The following FNDC3A variants were observed in gnomAD, a reference collection of about 807,000 sequenced individuals.
FNDC3A encodes the protein fibronectin type III domain containing 3A.
In FNDC3A, 32 loss-of-function variants were observed where a neutral mutation model predicts 148.9. The ratio of observed to expected loss-of-function variants is 0.21; its 90% CI spans 0.16 to 0.29. The LOEUF (loss-of-function observed/expected upper bound fraction) is 0.29, where lower values mean the gene tolerates loss of function less well. Ranked by LOEUF, FNDC3A falls within the 10% of genes least tolerant of loss-of-function variation. The probability of loss-of-function intolerance (pLI) is 1.00; values close to 1 mark genes in which losing one functional copy is unlikely to be tolerated. For missense variants in FNDC3A, 1,191 were observed against 1,452.8 expected (o/e 0.82, Z 2.93); for synonymous variants, 472 against 473.6 (o/e 1.00, Z 0.04).
At chr13:49,175,662 T>C in intron 13 of FNDC3A, 121 bp downstream of exon 13, 1 of 606,674 alleles carries the variant, frequency 1.6e-6, no homozygotes, top group Non-Finnish European at 2.8e-6. Flanking sequence ...TAGAGACAAT[T>C]TGACTTCCTC....
At chr13:49,102,124 C>T (rs1456239472) in intron 3 of FNDC3A, among the ~76,000 whole-genome samples, 1 of 151,988 alleles carries the variant, frequency 6.6e-6, no homozygotes, top group East Asian at 1.9e-4. Context: ...AGGCATGAAG[C>T]AAGCGTAGCT....
At chr13:49,025,777 G>A (rs1400561597) in intron 2 of FNDC3A, among the ~76,000 whole-genome samples, 1 of 152,142 alleles carries the variant, frequency 6.6e-6, no homozygotes, top group African/African-American at 2.4e-5. Context: ...GATTGTAGAT[G>A]TTAAGGAACC....
At chr13:49,107,822 G>T (rs1880296596) in intron 3 of FNDC3A, among the ~76,000 whole-genome samples, 1 of 152,180 alleles carries the variant, frequency 6.6e-6, no homozygotes, top group Non-Finnish European at 1.5e-5. Context: ...GCTGACAGCT[G>T]AGTTAAGGCT....
intron 4 of FNDC3A, among the ~76,000 whole-genome samples, chr13:49,115,184 G>T (rs1285247136): frequency 5.0e-3 from 2 of 404 alleles, no homozygotes; most frequent in African/African-American, 0.021. Flanking sequence ...TGAGGGATGA[G>T]GGGGGGGGGG....
chr13:49,020,793 T>C (rs1245689506), intron 2 of FNDC3A, among the ~76,000 whole-genome samples: 2 of 152,248 alleles, frequency 1.3e-5, no homozygotes, highest in African/African-American at 4.8e-5. Flanking sequence ...TTCCATTTTA[T>C]AGAAACTAAG....
chr13:49,150,142 T>C (rs1279829425), intron 8 of FNDC3A, among the ~76,000 whole-genome samples: 1 of 152,204 alleles, frequency 6.6e-6, no homozygotes, highest in Non-Finnish European at 1.5e-5. Flanking sequence ...TCTTGCGATG[T>C]TGCCTAAGCT....
chr13:48,981,675 TC>T (rs1305223595), intron 1 of FNDC3A, among the ~76,000 whole-genome samples: 6 of 152,128 alleles, frequency 3.9e-5, no homozygotes, highest in African/African-American at 1.2e-4. Flanking sequence ...CTGATTGACT[TC>T]CATATCTCTT....
chr13:48,996,707 T>C (rs1952030443), intron 1 of FNDC3A, among the ~76,000 whole-genome samples: 1 of 152,164 alleles, frequency 6.6e-6, no homozygotes, highest in Non-Finnish European at 1.5e-5. Flanking sequence ...GTTTCAGATA[T>C]GGCTCTGGAG....
chr13:49,041,783 C>G (rs1197345078), intron 2 of FNDC3A, among the ~76,000 whole-genome samples: 1 of 150,086 alleles, frequency 6.7e-6, no homozygotes, highest in Non-Finnish European at 1.5e-5. Context: ...TGCACCCCAG[C>G]CTGGGCAACA....
Position 49,198,473 on chromosome 13 carries a change from T to C in FNDC3A, c.2886T>C (p.Phe962=), listed in dbSNP as rs774044199. The C allele has an allele frequency of 6.2e-7, 1 of 1,614,190 alleles. No individual in the cohort carries two copies. Among genetic ancestry groups the C allele is most frequent in the Admixed American group, 1.7e-5 (1 of 60,030 alleles). Residue 962 remains phenylalanine (F), a synonymous_variant, in exon 23 of 26, where the codon TTT becomes TTC. Transcript: ENST00000492622. The stretch of plus-strand genomic sequence containing the variant: ...CACCTCGTCTGGAATGTGTTGCCTT[T>C]AGCCACCAGAACCTTAAGCTGAAAT... ...PDPPRLECVA[F]SHQNLKLKWG... is the part of the protein sequence containing the mutation.
At chr13:49,091,908 T>C (rs1879216908) in intron 3 of FNDC3A, among the ~76,000 whole-genome samples, 1 of 152,236 alleles carries the variant, frequency 6.6e-6, no homozygotes, top group African/African-American at 2.4e-5. Flanking sequence ...ACCCAGTTCA[T>C]GATGGGCAGT....
chr13:48,980,748 C>A (rs956283530), intron 1 of FNDC3A, among the ~76,000 whole-genome samples: 2 of 152,138 alleles, frequency 1.3e-5, no homozygotes, highest in African/African-American at 4.8e-5. Context: ...TGATGCCTCA[C>A]GCTGTGGCTG....
Position 49,203,296 on chromosome 13 carries a change from G to T in FNDC3A, c.3282+12G>T. On this transcript the variant is annotated intron_variant, in intron 25 of 25. Transcript: ENST00000492622. Reference sequence around the variant, plus strand: ...CAGAATTCAAACAGGTATGTACCAAGATATTAATGTGTGGATGCATATTTT... The same window carrying T: ...CAGAATTCAAACAGGTATGTACCAATATATTAATGTGTGGATGCATATTTT... 3 of 1,579,402 alleles carry T rather than the reference G, an allele frequency of 1.9e-6. No individual in the cohort carries two copies. The highest frequency in any genetic ancestry group is 8.6e-7 in the Non-Finnish European group (1 of 1,159,998).
chr13:49,016,701 C>T (rs1393358621), intron 2 of FNDC3A, among the ~76,000 whole-genome samples: 1 of 152,036 alleles, frequency 6.6e-6, no homozygotes, highest in Non-Finnish European at 1.5e-5. Context: ...GTTAGGGTGT[C>T]AATTTTGGAT....
At chr13:49,147,887 C>T (rs761011764) in intron 8 of FNDC3A, among the ~76,000 whole-genome samples, 6 of 152,148 alleles carry the variant, frequency 3.9e-5, no homozygotes, top group Non-Finnish European at 8.8e-5. Flanking sequence ...TCCTCACCAG[C>T]ATCTGTTATT....
intron 2 of FNDC3A, among the ~76,000 whole-genome samples, chr13:49,029,743 G>C (rs1873972909): frequency 6.6e-6 from 1 of 152,172 alleles, no homozygotes; most frequent in Non-Finnish European, 1.5e-5. Flanking sequence ...AGACTCAAAT[G>C]ACTAAAATCA....
intron 14 of FNDC3A, among the ~76,000 whole-genome samples, chr13:49,179,656 G>A (rs1462884882): frequency 6.6e-6 from 1 of 152,160 alleles, no homozygotes; most frequent in Non-Finnish European, 1.5e-5. Flanking sequence ...ATGTACTCAT[G>A]GAAGTCTGTT....
rs1881458421 is a variant in FNDC3A, at chr13:49,122,997, C to CTT, written c.253-8138_253-8137dup. On this transcript the variant is annotated intron_variant, in intron 4 of 25. Coordinates refer to ENST00000492622, the MANE Select transcript of FNDC3A (RefSeq NM_001079673.2). Reference sequence around the variant, plus strand: ...TTTCTTCACAGAATTAGAAAAACTACTTTAAATTTCATATGGAACCAAAAA... The same window carrying CTT: ...TTTCTTCACAGAATTAGAAAAACTACTTTTTAAATTTCATATGGAACCAAAAA... Among the ~76,000 whole-genome samples the CTT allele has an allele frequency of 2.6e-5, 4 of 152,200 alleles. No individual in the cohort carries two copies. In the South Asian group the frequency reaches 8.3e-4, roughly 32 times the overall value.
intron 2 of FNDC3A, among the ~76,000 whole-genome samples, chr13:49,027,405 C>T (rs573315991): frequency 4.6e-5 from 7 of 151,886 alleles, no homozygotes; most frequent in Non-Finnish European, 7.4e-5. Flanking sequence ...TGAGTAGATA[C>T]GAAGAAATAA....
Sources: gnomAD v4.1 joint callset for allele counts (sites outside exome capture counted in the v4.1 genomes callset) on GRCh38, gnomAD v4.1.1 for gene constraint, MANE v1.5 for transcripts, NCBI Gene and HGNC (gene_info 2026-07-23, HGNC 2026-07-21) for gene names.